Variants in HELB observed in about 807,000 individuals in gnomAD.
HELB encodes the protein DNA helicase B.
A neutral mutation model predicts 101.7 loss-of-function variants in HELB; 96 were observed. The ratio of observed to expected loss-of-function variants is 0.94; its 90% CI spans 0.80 to 1.12. HELB has a LOEUF of 1.12. HELB is among the 50% of genes most tolerant of loss of function. The probability of loss-of-function intolerance (pLI) is 0.00; values close to 1 mark genes in which losing one functional copy is unlikely to be tolerated. For synonymous variants in HELB, 437 were observed against 459.7 expected (o/e 0.95, Z 0.63); for missense variants, 1,210 against 1,291.9 (o/e 0.94, Z 0.97).
chr12:66,304,343 A>G (rs2053446302), intron 1 of HELB, among the ~76,000 whole-genome samples: 1 of 152,240 alleles, frequency 6.6e-6, no homozygotes, highest in Admixed American at 6.5e-5. Context: ...AGTAAAGGGG[A>G]GATCAGTTAA....
chr12:66,309,471 G>A (rs1044083241), intron 3 of HELB, among the ~76,000 whole-genome samples: 6 of 152,080 alleles, frequency 3.9e-5, no homozygotes, highest in African/African-American at 1.2e-4. Context: ...AAGCCTTATA[G>A]TATTATTTCA....
Position 66,324,043 on chromosome 12 carries a change from A to G in HELB, c.2358A>G (p.Ala786=). 1 of 1,613,804 alleles carries G rather than the reference A, an allele frequency of 6.2e-7. No homozygotes were observed. The highest frequency in any genetic ancestry group is 8.5e-7 in the Non-Finnish European group (1 of 1,179,808). Residue 786 remains alanine, a synonymous_variant, in exon 10 of 13, where the codon GCA becomes GCG. Transcript: ENST00000247815. Reference sequence around the variant, plus strand: ...ATAAAATTTGTTGTACCAGGAATGCATACCTCTCAGACTTACTACCTGAAA... The same window carrying G: ...ATAAAATTTGTTGTACCAGGAATGCGTACCTCTCAGACTTACTACCTGAAA... The part of the protein sequence containing the change: ...IGDKICCTRN[A]YLSDLLPENI...
At chr12:66,318,935 A>G in intron 7 of HELB, 143 bp downstream of exon 7, 1 of 657,132 alleles carries the variant, frequency 1.5e-6, no homozygotes, top group Non-Finnish European at 2.5e-6. Flanking sequence ...AAATAAATGA[A>G]CTTAGTAATC....
downstream of HELB, chr12:66,339,676 G>C (rs912793011): frequency 6.6e-6 from 1 of 152,310 alleles, no homozygotes; most frequent in African/African-American, 2.4e-5. Context: ...CATGAGAATC[G>C]CTTGAACCCA....
In HELB at chr12:66,309,691, C is replaced by G. The variant is rs767472134; in HGVS notation, c.778-15C>G. The G allele has an allele frequency of 6.5e-7, 1 of 1,546,922 alleles. No individual in the cohort carries two copies. The highest frequency in any genetic ancestry group is 8.7e-7 in the Non-Finnish European group (1 of 1,144,718). ...TATGATGTTTATAAACCAACCTGAACTTTATTTCTTAAAGATAACCTACAG... is the reference window on the plus strand; with the variant it reads ...TATGATGTTTATAAACCAACCTGAAGTTTATTTCTTAAAGATAACCTACAG... On this transcript the variant is annotated splice_polypyrimidine_tract_variant and intron_variant, in intron 3 of 12. Coordinates refer to ENST00000247815, the MANE Select transcript of HELB (RefSeq NM_001370285.1).
chr12:66,330,758 A>G (rs977470753), intron 11 of HELB, among the ~76,000 whole-genome samples: 1 of 149,838 alleles, frequency 6.7e-6, no homozygotes, highest in East Asian at 1.9e-4. Flanking sequence ...TATATAATAT[A>G]TCTATATGTT....
intron 12 of HELB, among the ~76,000 whole-genome samples, chr12:66,336,062 T>C (rs191914713): frequency 1.2e-4 from 19 of 152,354 alleles, no homozygotes; most frequent in Admixed American, 1.2e-3. Context: ...ACAATTGCTG[T>C]TCACATGGTA....
rs76300774 is a variant in HELB at position 66,321,169 on chromosome 12, G to A, written c.2156-779G>A. On this transcript the variant is annotated intron_variant, in intron 7 of 12. Coordinates refer to ENST00000247815, the MANE Select transcript of HELB (RefSeq NM_001370285.1). Reference sequence around the variant, plus strand: ...TTCCCTTGTGATTCATCTGCTATTAGGGAAACATACATGGGAAAATGCTTG... The same window carrying A: ...TTCCCTTGTGATTCATCTGCTATTAAGGAAACATACATGGGAAAATGCTTG... Among the ~76,000 whole-genome samples, 7 of 152,260 alleles carry A rather than the reference G, an allele frequency of 4.6e-5. 1 individual carries two copies. In the East Asian group the frequency reaches 1.3e-3, roughly 29 times the overall value.
intron 6 of HELB, among the ~76,000 whole-genome samples, chr12:66,316,567 A>AAATAATAATAAT (rs59495617): frequency 0.021 from 3,052 of 145,044 alleles, 103 homozygotes; most frequent in African/African-American, 0.071. Context: ...TGATAAGCTA[A>AAATAATAATAAT]AATAATAATA....
In HELB at chr12:66,321,488, T is replaced by TA. The variant is rs540771575; in HGVS notation, c.2156-459dup. ...TATCAGCTCTGAATATAAGAGCACCTACCACATGTGGGTGTCCTGCATATT... is the reference window on the plus strand; with the variant it reads ...TATCAGCTCTGAATATAAGAGCACCTAACCACATGTGGGTGTCCTGCATATT... On this transcript the variant is annotated intron_variant, in intron 7 of 12. Transcript: ENST00000247815. The TA allele has an allele frequency of 3.6e-3, 567 of 159,088 alleles. 4 individuals are homozygous for TA. Among genetic ancestry groups the TA allele is most frequent in the African/African-American group, 0.013 (548 of 41,582 alleles). 9.9% of individuals were successfully genotyped at this position (159,088 alleles called of 1,614,324 possible).
rs764792235 is a variant in HELB, at chr12:66,331,333, C to G, written c.2850C>G (p.Phe950Leu). 6.2e-7 allele frequency: 1 copy of G among 1,614,214 alleles called. No individual in the cohort carries two copies. Among genetic ancestry groups the G allele is most frequent in the Non-Finnish European group, 8.5e-7 (1 of 1,180,038 alleles). Residue 950 changes from phenylalanine (F) to leucine (L), a missense_variant, in exon 12 of 13, where the codon TTC (phenylalanine) becomes TTG (leucine). Phe to Leu is a conservative substitution (Grantham distance 22). Transcript: ENST00000247815. Reference protein sequence around the residue: ...SFPRKTRLKHFLQSKLSSSGA... With the variant: ...SFPRKTRLKHLLQSKLSSSGA... Reference sequence around the variant, plus strand: ...CTAGAAAAACTCGTTTGAAACATTTCTTGCAAAGTAAGCTCTCCTCTAGCG... The same window carrying G: ...CTAGAAAAACTCGTTTGAAACATTTGTTGCAAAGTAAGCTCTCCTCTAGCG...
downstream of HELB, chr12:66,338,246 C>A (rs2137022429): frequency 1.6e-6 from 1 of 633,524 alleles, no homozygotes; most frequent in South Asian, 1.8e-5. Context: ...AAATCCATTT[C>A]ATCAAAGTAT....
Position 66,323,959 on chromosome 12 carries a change from A to G in HELB, c.2298-24A>G, listed in dbSNP as rs548508761. On this transcript the variant is annotated intron_variant, in intron 9 of 12. Coordinates refer to ENST00000247815, the MANE Select transcript of HELB (RefSeq NM_001370285.1). ...AACGGAGACTTTCCAAACTTTGATTATATATTATCATTTTCTATCCCAGAG... is the reference window on the plus strand; with the variant it reads ...AACGGAGACTTTCCAAACTTTGATTGTATATTATCATTTTCTATCCCAGAG... 4.7e-6 allele frequency: 7 copies of G among 1,487,590 alleles called. 1 individual carries two copies. Among genetic ancestry groups the G allele is most frequent in the South Asian group, 2.3e-5 (2 of 88,232 alleles). 92.1% of individuals were successfully genotyped at this position (1,487,590 alleles called of 1,614,324 possible).
intron 11 of HELB, among the ~76,000 whole-genome samples, chr12:66,329,979 A>G (rs2053786656): frequency 1.3e-5 from 2 of 152,212 alleles, no homozygotes; most frequent in Admixed American, 1.3e-4. Flanking sequence ...CAATCTGAGG[A>G]GCTGCTTCAA....
rs781063275 is a variant in HELB, at chr12:66,331,226, G to T, written c.2743G>T (p.Ala915Ser). The T allele has an allele frequency of 1.3e-5, 21 of 1,614,072 alleles. No homozygotes were observed. The highest frequency in any genetic ancestry group is 1.8e-5 in the Non-Finnish European group (21 of 1,180,008). Residue 915 changes from alanine (A) to serine (S), a missense_variant, in exon 12 of 13, where the codon GCC (alanine) becomes TCC (serine). This residue lies in a region of HELB where 740 missense variants were observed against 728.8 expected (regional missense o/e 1.02). Coordinates refer to ENST00000247815, the MANE Select transcript of HELB (RefSeq NM_001370285.1). ...CCAGCACTGGCAGCATGTCTACACC[G>T]CCGTGACCAGGGGCCGCTGCCGAGT... is the stretch of plus-strand genomic sequence containing the variant. ...GRQHWQHVYT[A>S]VTRGRCRVYV... is the part of the protein sequence containing the mutation.
intron 12 of HELB, among the ~76,000 whole-genome samples, chr12:66,337,462 T>C (rs972352228): frequency 2.0e-5 from 3 of 152,162 alleles, no homozygotes; most frequent in African/African-American, 4.8e-5. Flanking sequence ...CATTTCTTTA[T>C]GGTGGTGAAA....
In HELB at chr12:66,321,103, G is replaced by T. The variant is rs59447431; in HGVS notation, c.2156-845G>T. Among the ~76,000 whole-genome samples, 1,150 of 152,248 alleles carry T rather than the reference G, an allele frequency of 7.6e-3. 23 individuals are homozygous for T. The highest frequency in any genetic ancestry group is 0.027 in the African/African-American group (1,112 of 41,524). Reference sequence around the variant, plus strand: ...AAGGGCTCAGCAGGCAGCTAAGTTTGTCTTCCCAGAGCAGGGCATCACAAG... The same window carrying T: ...AAGGGCTCAGCAGGCAGCTAAGTTTTTCTTCCCAGAGCAGGGCATCACAAG... On this transcript the variant is annotated intron_variant, in intron 7 of 12. Transcript: ENST00000247815.
intron 7 of HELB, among the ~76,000 whole-genome samples, chr12:66,320,347 C>A (rs2053656259): frequency 6.6e-6 from 1 of 152,150 alleles, no homozygotes; most frequent in African/African-American, 2.4e-5. Flanking sequence ...CTTATTATAT[C>A]CATATACAAT....
chr12:66,312,394 A>G (rs1337231693), intron 4 of HELB, among the ~76,000 whole-genome samples: 1 of 152,268 alleles, frequency 6.6e-6, no homozygotes, highest in Non-Finnish European at 1.5e-5. Context: ...AAGGAAGATC[A>G]TATAGAGTCA....
Sources: gnomAD v4.1 joint callset for allele counts (sites outside exome capture counted in the v4.1 genomes callset) on GRCh38, gnomAD v4.1.1 for gene constraint, gnomAD v4.1.1 regional missense constraint, MANE v1.5 for transcripts, NCBI Gene and HGNC (gene_info 2026-07-23, HGNC 2026-07-21) for gene names.